CERS2: variants seen among roughly 807,000 people sequenced by gnomAD.
CERS2 encodes the protein ceramide synthase 2, also known as LAG1 homolog, ceramide synthase 2.
CERS2 carries 20 observed loss-of-function variants against 56.6 expected under a neutral mutation model. The ratio of observed to expected loss-of-function variants is 0.35; its 90% CI spans 0.25 to 0.51. CERS2 has a LOEUF of 0.51. CERS2 is among the 20% of genes least tolerant of loss of function. The probability of loss-of-function intolerance (pLI) is 0.96; values close to 1 mark genes in which losing one functional copy is unlikely to be tolerated. For missense variants in CERS2, 361 were observed against 488.6 expected, an observed-to-expected ratio of 0.74 and a Z score of 2.46; for synonymous variants, 187 against 175.4, an observed-to-expected ratio of 1.07 and a Z score of -0.52.
chr1:150,971,888 T>C, intron 1 of CERS2: 1 of 471,104 alleles, frequency 2.1e-6, no homozygotes, highest in Non-Finnish European at 4.4e-6. Flanking sequence ...TCCAGGGAAA[T>C]GTAAAGCCAA....
intron 1 of CERS2, among the ~76,000 whole-genome samples, chr1:150,973,487 G>A (rs953789636): frequency 2.6e-5 from 4 of 152,252 alleles, no homozygotes; most frequent in African/African-American, 9.6e-5. Context: ...AGGCCCCAGT[G>A]AGGGAAGTGG....
At position 150,969,283 on chromosome 1, in the gene CERS2, A is replaced by T. The variant is rs1414588383; in HGVS notation, c.-1-192T>A. 6.8e-6 allele frequency: 4 copies of T among 589,220 alleles called. No homozygotes were observed. In the East Asian group the frequency reaches 1.1e-4, roughly 17 times the overall value. The allele number at this position is 589,220 out of a possible 1,614,324, so 36.5% of individuals were successfully genotyped here. A position where few individuals can be genotyped will look rare whatever the true frequency, so the allele number is the denominator to read the frequency against. ...AATACGGTGGCTTTCCAGTTTTAAC[A>T]TTTACTGTTAGGCCGGCCGTGATGG... is the stretch of plus-strand genomic sequence containing the variant. On this transcript the variant is annotated intron_variant, in intron 1 of 10. Transcript: ENST00000368954.
rs768549889 is a variant in CERS2 at position 150,966,497 on chromosome 1, G to T, written c.981C>A (p.Ala327=). 4.3e-6 allele frequency: 7 copies of T among 1,614,116 alleles called. No homozygotes were observed. The highest frequency in any genetic ancestry group is 5.9e-6 in the Non-Finnish European group (7 of 1,180,010). ...IFWAYLILRM[A]HKFITGKLVE... ...TCACCTTTCCAGTTATGAACTTGTG[G>T]GCCATGCGCAAAATGAGGTAGGCCC... Residue 327 remains alanine (A), a synonymous_variant, in exon 10 of 11, where the codon GCC becomes GCA. Transcript: ENST00000368954.
chr1:150,968,396 T>C lies in CERS2; in HGVS notation c.290A>G (p.Gln97Arg). ...FYLTSGKQPK[Q>R]VEVELLSRQS... Reference sequence around the variant, plus strand: ...GCCAGAGCAGCATGCGGCTCATACCTGCTTGGGCTGCTTGCCACTGGTCAG... The same window carrying C: ...GCCAGAGCAGCATGCGGCTCATACCCGCTTGGGCTGCTTGCCACTGGTCAG... Residue 97 changes from glutamine to arginine, a missense_variant and splice_region_variant, in exon 3 of 11, where the codon CAG (glutamine) becomes CGG (arginine). Physicochemically the swap from Gln to Arg is conservative, Grantham distance 43. Coordinates refer to ENST00000368954, the MANE Select transcript of CERS2 (RefSeq NM_022075.5). The C allele has an allele frequency of 6.2e-7, 1 of 1,612,668 alleles. No individual in the cohort carries two copies. The highest frequency in any genetic ancestry group is 8.5e-7 in the Non-Finnish European group (1 of 1,178,636).
rs1671025443 is a variant in CERS2 at position 150,966,641 on chromosome 1, A to G, written c.849-12T>C. ...TGCAATGCAGGATCCTGAGGATTCA[A>G]GGAGAGAGAGAACGTGGACAAGAGC... On this transcript the variant is annotated splice_polypyrimidine_tract_variant and intron_variant, in intron 9 of 10. Transcript: ENST00000368954. 3 of 1,613,798 alleles carry G rather than the reference A, an allele frequency of 1.9e-6. No homozygotes were observed. Among genetic ancestry groups the G allele is most frequent in the South Asian group, 2.2e-5 (2 of 91,076 alleles).
chr1:150,966,046 CTT>C lies in CERS2; in HGVS notation c.*100_*101del. The C allele has an allele frequency of 1.6e-6, 2 of 1,247,092 alleles. No homozygotes were observed. The highest frequency in any genetic ancestry group is 2.2e-6 in the Non-Finnish European group (2 of 908,910). 77.3% of individuals were successfully genotyped at this position (1,247,092 alleles called of 1,614,324 possible). On this transcript the variant is annotated 3_prime_UTR_variant, in exon 11 of 11. Coordinates refer to ENST00000368954, the MANE Select transcript of CERS2 (RefSeq NM_022075.5). Reference sequence around the variant, plus strand: ...GAGGATGCAGAGAACTCTCCTCTCACTTTCTCCTTTTTCCCCAGAGCTTAAAG... The same window carrying C: ...GAGGATGCAGAGAACTCTCCTCTCACTCTCCTTTTTCCCCAGAGCTTAAAG...
intron 1 of CERS2, among the ~76,000 whole-genome samples, chr1:150,971,238 A>G (rs1382645129): frequency 6.6e-6 from 1 of 152,176 alleles, no homozygotes; most frequent in Non-Finnish European, 1.5e-5. Context: ...AAGAAAAGAG[A>G]GTGGTGAAAT....
intron 1 of CERS2, among the ~76,000 whole-genome samples, chr1:150,969,835 C>G (rs1396043954): frequency 6.6e-6 from 1 of 152,174 alleles, no homozygotes; most frequent in Non-Finnish European, 1.5e-5. Flanking sequence ...CTGAAAGCTT[C>G]CAGGGGGTGC....
rs1274283883 is a variant in CERS2, at chr1:150,966,504, C to T, written c.974G>A (p.Arg325His). The T allele has an allele frequency of 6.2e-6, 10 of 1,613,930 alleles. No individual in the cohort carries two copies. The highest frequency in any genetic ancestry group is 1.3e-5 in the African/African-American group (1 of 74,834). ...TCCAGTTATGAACTTGTGGGCCATG[C>T]GCAAAATGAGGTAGGCCCAGAAGAT... ...LHIFWAYLIL[R>H]MAHKFITGKL... is the part of the protein sequence containing the mutation. The change falls in exon 10 of 11, where the codon CGC becomes CAC. Residue 325 changes from arginine to histidine, a missense_variant. Coordinates refer to ENST00000368954, the MANE Select transcript of CERS2 (RefSeq NM_022075.5).
At chr1:150,970,578 C>T (rs1346555409) in intron 1 of CERS2, among the ~76,000 whole-genome samples, 1 of 152,218 alleles carries the variant, frequency 6.6e-6, no homozygotes, top group East Asian at 1.9e-4. Context: ...GCAACCTCCA[C>T]CTCCCAGGTT....
chr1:150,966,938 G>C, intron 8 of CERS2, 76 bp from the exon 9 acceptor site: 1 of 1,427,392 alleles, frequency 7.0e-7, no homozygotes, highest in Non-Finnish European at 9.9e-7. Flanking sequence ...CTCCAGTTAG[G>C]AGCACTGACT....
At chr1:150,969,155 T>C in intron 1 of CERS2, 64 bp from the exon 2 acceptor site, 1 of 1,461,734 alleles carries the variant, frequency 6.8e-7, no homozygotes, top group Non-Finnish European at 9.4e-7. Flanking sequence ...GATAGATGAA[T>C]AAAAGTTTTC....
intron 1 of CERS2, chr1:150,973,031 G>A (rs902554545): frequency 1.3e-5 from 2 of 152,310 alleles, no homozygotes; most frequent in Non-Finnish European, 2.9e-5. Context: ...TTGTTGACAA[G>A]GGAGGAGTGA....
intron 2 of CERS2, 78 bp from the exon 3 acceptor site, chr1:150,968,590 C>A (rs587756954): frequency 2.6e-6 from 3 of 1,143,788 alleles, no homozygotes; most frequent in East Asian, 2.3e-5. Flanking sequence ...TTTACCCTGG[C>A]CTCAGTTTCC....
chr1:150,973,432 CAG>C (rs1015938614), intron 1 of CERS2, among the ~76,000 whole-genome samples: 3 of 152,198 alleles, frequency 2.0e-5, no homozygotes, highest in Admixed American at 6.5e-5. Flanking sequence ...TGGCCAGTGA[CAG>C]GGGTAAAAGG....
intron 1 of CERS2, among the ~76,000 whole-genome samples, chr1:150,971,620 TCTGAA>T (rs1201296609): frequency 2.0e-5 from 3 of 152,064 alleles, no homozygotes; most frequent in East Asian, 3.9e-4. Context: ...ATGGAAGCCT[TCTGAA>T]CTGAACAAAA....
intron 4 of CERS2, 39 bp from the exon 5 acceptor site, chr1:150,967,916 C>T: frequency 6.5e-7 from 1 of 1,542,668 alleles, no homozygotes; most frequent in African/African-American, 1.4e-5. Flanking sequence ...CAGAGGATAG[C>T]ACAGTCCCCC....
intron 2 of CERS2, among the ~76,000 whole-genome samples, 197 bp downstream of exon 2, chr1:150,968,721 T>A (rs1460124394): frequency 6.6e-6 from 1 of 151,910 alleles, no homozygotes; most frequent in Non-Finnish European, 1.5e-5. Flanking sequence ...AAATAACCAT[T>A]GATGGAAAGG....
chr1:150,966,215 C>T lies in CERS2; in HGVS notation c.1076G>A (p.Gly359Glu). The T allele has an allele frequency of 6.2e-7, 1 of 1,606,982 alleles. No homozygotes were observed. The highest frequency in any genetic ancestry group is 8.5e-7 in the Non-Finnish European group (1 of 1,178,156). ...SEGEEAAAGG[G>E]AKSRPLANGH... ...ATTGGCTAGGGGCCGGCTCTTTGCTCCTCCCCCAGCTGCAGCCTCCTCCCC... is the reference window on the plus strand; with the variant it reads ...ATTGGCTAGGGGCCGGCTCTTTGCTTCTCCCCCAGCTGCAGCCTCCTCCCC... The change falls in exon 11 of 11, where the codon GGA becomes GAA. Residue 359 changes from glycine (G) to glutamate (E), a missense_variant. Physicochemically the swap from Gly to Glu is moderately conservative, Grantham distance 98 (BLOSUM62 -2). Coordinates refer to ENST00000368954, the MANE Select transcript of CERS2 (RefSeq NM_022075.5).
Sources: gnomAD v4.1 joint callset for allele counts (sites outside exome capture counted in the v4.1 genomes callset) on GRCh38, gnomAD v4.1.1 for gene constraint, MANE v1.5 for transcripts, NCBI Gene and HGNC (gene_info 2026-07-23, HGNC 2026-07-21) for gene names.